ZNF25: variants seen among roughly 807,000 people sequenced by gnomAD.
ZNF25 encodes zinc finger protein 25 (KOX 19).
A neutral mutation model predicts 30.9 loss-of-function variants in ZNF25; 21 were observed. The observed-to-expected ratio is 0.68, with a 90% CI of 0.48 to 0.98. The LOEUF (loss-of-function observed/expected upper bound fraction) is 0.98. ZNF25 is among the 50% of genes least tolerant of loss of function. The pLI is 0.00. For missense variants in ZNF25, 501 were observed against 529.9 expected (o/e 0.95, Z 0.54); for synonymous variants, 169 against 181.3 (o/e 0.93, Z 0.55).
rs1564754840 is a variant in ZNF25 at position 37,953,715 on chromosome 10, T to C, written c.282A>G (p.Glu94=). The change falls in exon 5 of 6, where the codon GAA becomes GAG. Residue 94 remains glutamate, a synonymous_variant. Coordinates refer to ENST00000302609, the MANE Select transcript of ZNF25 (RefSeq NM_145011.4). The part of the protein sequence containing the change: ...SIHDLEARYQ[E]SQAGNSRNGE... The stretch of plus-strand genomic sequence containing the variant: ...CTTGCCTTGAATTTCCAGCTTGGCT[T>C]TCCTGGTATCTTGCTTCTAGATCAT... The C allele has an allele frequency of 6.2e-7, 1 of 1,614,044 alleles. No homozygotes were observed.
chr10:37,957,249 G>A, intron 3 of ZNF25, 134 bp from the exon 4 acceptor site: 2 of 1,239,700 alleles, frequency 1.6e-6, no homozygotes, highest in South Asian at 1.5e-5. Flanking sequence ...CTTTCAGCGG[G>A]GAGAGAGGGA....
In ZNF25 at chr10:37,951,362, CACAT is replaced by C. The variant is rs1339382238; in HGVS notation, c.*761_*764del. The stretch of plus-strand genomic sequence containing the variant: ...CGCAAGTTACATGTTATAGCACACT[CACAT>C]ACGCACAAAATCCTATATGCTAACA... On this transcript the variant is annotated 3_prime_UTR_variant, in exon 6 of 6. Transcript: ENST00000302609. 3 of 152,500 alleles carry C rather than the reference CACAT, an allele frequency of 2.0e-5. No individual in the cohort carries two copies. Among genetic ancestry groups the C allele is most frequent in the Admixed American group, 2.0e-4 (3 of 15,272 alleles). 9.4% of individuals were successfully genotyped at this position (152,500 alleles called of 1,614,324 possible). A position where few individuals can be genotyped will look rare whatever the true frequency, so the allele number is the denominator to read the frequency against.
chr10:37,971,855 G>GAA (rs2063511198), intron 1 of ZNF25, 48 bp from the exon 2 acceptor site: 2 of 1,267,416 alleles, frequency 1.6e-6, no homozygotes, highest in African/African-American at 2.9e-5. Context: ...ATACCTTTGA[G>GAA]AAAATGTCCC....
rs1386078370 is a variant in ZNF25 at position 37,976,547 on chromosome 10, A to T, written c.-127T>A. Reference sequence around the variant, plus strand: ...TCTGCTCCCGGCCCGCGCCGGGCCCAGGCCCCGCCCTTTGCGGCCCAGCCC... The same window carrying T: ...TCTGCTCCCGGCCCGCGCCGGGCCCTGGCCCCGCCCTTTGCGGCCCAGCCC... On this transcript the variant is annotated 5_prime_UTR_variant, in exon 1 of 6. Transcript: ENST00000302609. 2.0e-5 allele frequency: 3 copies of T among 152,464 alleles called. No homozygotes were observed. The highest frequency in any genetic ancestry group is 2.9e-5 in the Non-Finnish European group (2 of 68,276). The allele number at this position is 152,464 out of a possible 1,614,324, so 9.4% of individuals were successfully genotyped here.
chr10:37,953,799 A>C (rs937282089), intron 4 of ZNF25, 41 bp from the exon 5 acceptor site: 2 of 1,520,274 alleles, frequency 1.3e-6, no homozygotes, highest in African/African-American at 2.7e-5. Context: ...TAAATACTAC[A>C]CATTAATATT....
intron 2 of ZNF25, among the ~76,000 whole-genome samples, chr10:37,960,645 C>CA (rs2062820817): frequency 1.4e-5 from 1 of 70,412 alleles, no homozygotes; most frequent in Non-Finnish European, 3.0e-5. Context: ...AAAAAAAAAA[C>CA]AAAGAAGCTG....
Position 37,963,286 on chromosome 10 carries a change from C to T in ZNF25, c.16-5740G>A, listed in dbSNP as rs538172388. Among the ~76,000 whole-genome samples, 155 of 152,130 alleles carry T rather than the reference C, an allele frequency of 1.0e-3. 2 individuals are homozygous for T. The highest frequency in any genetic ancestry group is 1.7e-3 in the Non-Finnish European group (116 of 67,984). On this transcript the variant is annotated intron_variant, in intron 2 of 5. Transcript: ENST00000302609. ...TACAGGTGCCCACCACCACATCCAG[C>T]TAATTTTTGTATTTTTAGTAGAGAT...
rs1250122314 is a variant in ZNF25 at position 37,950,496 on chromosome 10, A to C, written c.*1631T>G. 6.6e-6 allele frequency: 1 copy of C among 152,606 alleles called. No individual in the cohort carries two copies. Among genetic ancestry groups the C allele is most frequent in the Non-Finnish European group, 1.5e-5 (1 of 68,036 alleles). The allele number at this position is 152,606 out of a possible 1,614,324, so 9.5% of individuals were successfully genotyped here. A position where few individuals can be genotyped will look rare whatever the true frequency, so the allele number is the denominator to read the frequency against. On this transcript the variant is annotated 3_prime_UTR_variant, in exon 6 of 6. Transcript: ENST00000302609. The stretch of plus-strand genomic sequence containing the variant: ...CCCCTAAATCACTTGTAGGAAAACA[A>C]ACAAACAACAAACAACCAAATCAAG...
Position 37,961,922 on chromosome 10 carries a change from CAA to C in ZNF25, c.16-4378_16-4377del, listed in dbSNP as rs71533129. Among the ~76,000 whole-genome samples the C allele has an allele frequency of 6.1e-3, 237 of 39,062 alleles. 2 individuals carry two copies. Among genetic ancestry groups the C allele is most frequent in the African/African-American group, 0.022 (217 of 9,938 alleles). The allele number at this position is 39,062 out of a possible 152,430, so 25.6% of individuals were successfully genotyped here. ...AGCAACAAAGATTGAAACTCCATCT[CAA>C]AAAAAAAAAAAAAAAAAAAACCTAA... On this transcript the variant is annotated intron_variant, in intron 2 of 5. Transcript: ENST00000302609.
intron 2 of ZNF25, chr10:37,968,001 T>G (rs2135418383): frequency 6.6e-6 from 1 of 152,328 alleles, no homozygotes; most frequent in African/African-American, 2.4e-5. Context: ...TAATTTGAAA[T>G]GTTTGTGCAT....
Position 37,950,565 on chromosome 10 carries a change from C to A in ZNF25, c.*1562G>T, listed in dbSNP as rs1043908454. 4.4e-5 allele frequency: 6 copies of A among 135,766 alleles called. No homozygotes were observed. Among genetic ancestry groups the A allele is most frequent in the Non-Finnish European group, 8.3e-5 (5 of 59,986 alleles). The allele number at this position is 135,766 out of a possible 1,614,324, so 8.4% of individuals were successfully genotyped here. A position where few individuals can be genotyped will look rare whatever the true frequency, so the allele number is the denominator to read the frequency against. ...TGGGGAATGAATGTTGGGTAGCCAACATTTTTTTTTTTTTTGCAGCGTAAT... is the reference window on the plus strand; with the variant it reads ...TGGGGAATGAATGTTGGGTAGCCAAAATTTTTTTTTTTTTTGCAGCGTAAT... On this transcript the variant is annotated 3_prime_UTR_variant, in exon 6 of 6. Transcript: ENST00000302609.
intron 2 of ZNF25, 115 bp from the exon 3 acceptor site, chr10:37,957,661 A>C: frequency 8.2e-7 from 1 of 1,214,712 alleles, no homozygotes; most frequent in Non-Finnish European, 1.1e-6. Flanking sequence ...CTGGAGAGTT[A>C]GGATATTTGC....
chr10:37,952,392 G>C lies in ZNF25; in HGVS notation c.1106C>G (p.Pro369Arg). Residue 369 changes from proline to arginine, a missense_variant, in exon 6 of 6, where the codon CCC (proline) becomes CGC (arginine). By Grantham distance (103) the Pro-to-Arg change is moderately radical. Transcript: ENST00000302609. ...KHQRKHTGEK[P>R]YECTECGKSF... Reference sequence around the variant, plus strand: ...TTTGCCACATTCTGTGCATTCATAGGGCTTCTCCCCTGTGTGTTTTCTCTG... The same window carrying C: ...TTTGCCACATTCTGTGCATTCATAGCGCTTCTCCCCTGTGTGTTTTCTCTG... The C allele has an allele frequency of 6.2e-7, 1 of 1,614,042 alleles. No homozygotes were observed. Among genetic ancestry groups the C allele is most frequent in the Non-Finnish European group, 8.5e-7 (1 of 1,179,992 alleles).
intron 2 of ZNF25, among the ~76,000 whole-genome samples, chr10:37,961,268 T>G (rs1281844898): frequency 6.6e-6 from 1 of 152,152 alleles, no homozygotes; most frequent in Non-Finnish European, 1.5e-5. Flanking sequence ...TACATCTGTA[T>G]TTTTTTAAAG....
chr10:37,969,904 G>GA (rs1454970664), intron 2 of ZNF25, among the ~76,000 whole-genome samples: 1 of 152,010 alleles, frequency 6.6e-6, no homozygotes, highest in African/African-American at 2.4e-5. Flanking sequence ...ATAAAACCAA[G>GA]AAAAAATAAC....
chr10:37,956,947 C>T lies in ZNF25; in HGVS notation c.238+73G>A, dbSNP rs144659979. ...AAAAAAAAAAAAAGTGAGAGATTGC[C>T]GAAAAGTACTTCAGAAGGCAAGAGG... On this transcript the variant is annotated intron_variant, in intron 4 of 5. Coordinates refer to ENST00000302609, the MANE Select transcript of ZNF25 (RefSeq NM_145011.4). 4.5e-5 allele frequency: 48 copies of T among 1,072,564 alleles called. No individual in the cohort carries two copies. The Admixed American group carries it at 5.1e-4, about 11-fold the overall frequency. 66.4% of individuals were successfully genotyped at this position (1,072,564 alleles called of 1,614,324 possible).
intron 1 of ZNF25, among the ~76,000 whole-genome samples, chr10:37,973,468 A>T (rs1425872481): frequency 6.6e-6 from 1 of 151,456 alleles, no homozygotes; most frequent in African/African-American, 2.4e-5. Context: ...ATACAAAAAA[A>T]ATTACACAGG....
chr10:37,971,481 C>T (rs2063485459), intron 2 of ZNF25, among the ~76,000 whole-genome samples: 1 of 152,012 alleles, frequency 6.6e-6, no homozygotes, highest in African/African-American at 2.4e-5. Flanking sequence ...CTCATAGATC[C>T]CTTGAGAGGG....
At position 37,975,180 on chromosome 10, in the gene ZNF25, A is replaced by G. The variant is rs138693439; in HGVS notation, c.-86+1326T>C. On this transcript the variant is annotated intron_variant, in intron 1 of 5. Coordinates refer to ENST00000302609, the MANE Select transcript of ZNF25 (RefSeq NM_145011.4). ...AAAATACAGTTAGGTAGAAGGATTA[A>G]GTCCTAGTGTTCAATAGCACAGTAT... 3.3e-3 allele frequency among the ~76,000 whole-genome samples: 510 copies of G among 152,328 alleles called. 4 individuals are homozygous for G. Among genetic ancestry groups the G allele is most frequent in the African/African-American group, 0.012 (504 of 41,576 alleles).
Sources: gnomAD v4.1 joint callset for allele counts (sites outside exome capture counted in the v4.1 genomes callset) on GRCh38, gnomAD v4.1.1 for gene constraint, MANE v1.5 for transcripts, NCBI Gene and HGNC (gene_info 2026-07-23, HGNC 2026-07-21) for gene names.